Variants in WWOX observed in about 807,000 individuals in gnomAD.
WWOX encodes WW domain containing oxidoreductase.
Under a neutral mutation model 46.2 loss-of-function variants are expected in WWOX, and 69 were observed. The ratio of observed to expected loss-of-function variants is 1.49; its 90% CI spans 1.23 to 1.82. The LOEUF (loss-of-function observed/expected upper bound fraction) is 1.82, where lower values mean the gene tolerates loss of function less well. Ranked by LOEUF, WWOX falls within the 40% of genes most tolerant of loss-of-function variation. WWOX has a pLI of 0.00. For missense variants in WWOX, 919 were observed against 542.6 expected, an observed-to-expected ratio of 1.69 and a Z score of -6.89; for synonymous variants, 359 against 202.6, an observed-to-expected ratio of 1.77 and a Z score of -6.56.
chr16:79,198,889 G>A (rs79618047), intron 8 of WWOX, among the ~76,000 whole-genome samples: 31 of 152,120 alleles, frequency 2.0e-4, no homozygotes, highest in Admixed American at 5.2e-4. Context: ...TGACCTGAAG[G>A]TGTGCTATGT....
At chr16:79,077,107 T>A (rs1010701101) in intron 8 of WWOX, among the ~76,000 whole-genome samples, 19 of 152,176 alleles carry the variant, frequency 1.2e-4, no homozygotes, top group African/African-American at 4.3e-4. Context: ...GGATGAGGAT[T>A]TGAACCCACT....
intron 8 of WWOX, among the ~76,000 whole-genome samples, chr16:78,811,716 C>A (rs965354046): frequency 6.6e-6 from 1 of 151,968 alleles, no homozygotes; most frequent in Admixed American, 6.6e-5. Flanking sequence ...CATGAGGGGA[C>A]CCATCCTCAA....
intron 8 of WWOX, among the ~76,000 whole-genome samples, chr16:78,976,258 C>A (rs2046570504): frequency 6.6e-6 from 1 of 152,166 alleles, no homozygotes; most frequent in African/African-American, 2.4e-5. Flanking sequence ...TTAATCTTAC[C>A]AGCATCTTGT....
intron 8 of WWOX, among the ~76,000 whole-genome samples, chr16:78,829,654 G>C (rs139209602): frequency 6.6e-6 from 1 of 152,096 alleles, no homozygotes; most frequent in Middle Eastern, 3.4e-3. Context: ...ACTAGGTTCT[G>C]TGCCAAGGAT....
At chr16:78,922,658 C>T (rs553702631) in intron 8 of WWOX, among the ~76,000 whole-genome samples, 3 of 152,102 alleles carry the variant, frequency 2.0e-5, no homozygotes, top group Admixed American at 1.3e-4. Flanking sequence ...GGATTACAGG[C>T]GTGAGCCACG....
chr16:78,814,911 C>T (rs937528575), intron 8 of WWOX, among the ~76,000 whole-genome samples: 2 of 152,192 alleles, frequency 1.3e-5, no homozygotes, highest in East Asian at 1.9e-4. Flanking sequence ...CATTCTTCCA[C>T]CTGGCCTGGA....
At chr16:78,408,831 G>A (rs1021513150) in intron 6 of WWOX, among the ~76,000 whole-genome samples, 2 of 152,186 alleles carry the variant, frequency 1.3e-5, no homozygotes, top group South Asian at 2.1e-4. Flanking sequence ...ATCTGGGAAC[G>A]AGTGAGGGAT....
At chr16:78,369,107 C>G (rs1714495593) in intron 5 of WWOX, among the ~76,000 whole-genome samples, 1 of 150,324 alleles carries the variant, frequency 6.7e-6, no homozygotes, top group African/African-American at 2.5e-5. Flanking sequence ...TCTCATTGAA[C>G]TTGTGATGTA....
intron 5 of WWOX, among the ~76,000 whole-genome samples, chr16:78,324,037 A>G (rs931224160): frequency 1.3e-5 from 2 of 152,154 alleles, no homozygotes; most frequent in Non-Finnish European, 2.9e-5. Context: ...TGTGTTAGAG[A>G]CAAGAAAAAT....
chr16:78,325,195 C>G (rs775200667), intron 5 of WWOX, among the ~76,000 whole-genome samples: 2 of 152,192 alleles, frequency 1.3e-5, no homozygotes, highest in Non-Finnish European at 2.9e-5. Context: ...CGTCACCATG[C>G]AAATGTTTAC....
At chr16:78,626,502 AC>A (rs1441107141) in intron 8 of WWOX, among the ~76,000 whole-genome samples, 2 of 151,960 alleles carry the variant, frequency 1.3e-5, no homozygotes, top group African/African-American at 4.8e-5. Context: ...AGGGAGGAAG[AC>A]CCCAGAGGTC....
intron 8 of WWOX, among the ~76,000 whole-genome samples, chr16:78,722,900 G>A (rs951499477): frequency 6.6e-6 from 1 of 152,012 alleles, no homozygotes; most frequent in African/African-American, 2.4e-5. Flanking sequence ...AAATTAGCCA[G>A]GCGCAGTGGC....
chr16:78,956,011 A>C lies in WWOX; in HGVS notation c.1057-255597A>C, dbSNP rs555972835. ...AAAAACAAAAAAAAACACAAAAAAA[A>C]CTTTTTTTTTTAGAACTGTTTTAGT... On this transcript the variant is annotated intron_variant, in intron 8 of 8. Coordinates refer to ENST00000566780, the MANE Select transcript of WWOX (RefSeq NM_016373.4). Among the ~76,000 whole-genome samples the C allele has an allele frequency of 3.0e-4, 45 of 152,132 alleles. No individual in the cohort carries two copies. The South Asian group carries it at 7.7e-3, about 26-fold the overall frequency.
intron 8 of WWOX, 48 bp from the exon 9 acceptor site, chr16:79,211,560 C>CA: frequency 6.2e-7 from 1 of 1,612,750 alleles, no homozygotes; most frequent in South Asian, 1.1e-5. Flanking sequence ...GCCATCTCAT[C>CA]ACTCCTTTTC....
intron 8 of WWOX, among the ~76,000 whole-genome samples, chr16:78,774,762 A>G (rs2050149576): frequency 6.6e-6 from 1 of 152,128 alleles, no homozygotes; most frequent in African/African-American, 2.4e-5. Flanking sequence ...ATGATAGCAT[A>G]AGGCAATTCC....
At chr16:78,144,516 T>TAC (rs2034128495) in intron 4 of WWOX, among the ~76,000 whole-genome samples, 1 of 42,934 alleles carries the variant, frequency 2.3e-5, no homozygotes, top group Non-Finnish European at 4.4e-5. Flanking sequence ...TATATATATA[T>TAC]ATATATATTT....
chr16:78,870,601 G>C (rs565210220), intron 8 of WWOX, among the ~76,000 whole-genome samples: 2 of 151,848 alleles, frequency 1.3e-5, no homozygotes, highest in Non-Finnish European at 2.9e-5. Context: ...AATGTAATCA[G>C]TTCTTTTTTT....
chr16:78,540,257 A>G (rs1189083344), intron 8 of WWOX, among the ~76,000 whole-genome samples: 1 of 151,604 alleles, frequency 6.6e-6, no homozygotes, highest in East Asian at 1.9e-4. Context: ...AAAAAAATGG[A>G]ATCAAGAACC....
chr16:78,357,140 G>C (rs181542163), intron 5 of WWOX, among the ~76,000 whole-genome samples: 7 of 152,244 alleles, frequency 4.6e-5, no homozygotes, highest in Non-Finnish European at 8.8e-5. Context: ...CCCCTAGTTT[G>C]AATCTTTGAG....
Sources: gnomAD v4.1 joint callset for allele counts (sites outside exome capture counted in the v4.1 genomes callset) on GRCh38, gnomAD v4.1.1 for gene constraint, MANE v1.5 for transcripts, NCBI Gene and HGNC (gene_info 2026-07-23, HGNC 2026-07-21) for gene names.